Variants in MMP24 observed in about 807,000 individuals in gnomAD.
The protein encoded by MMP24 is matrix metallopeptidase 24.
In MMP24, 25 loss-of-function variants were observed where a neutral mutation model predicts 62.8. The observed-to-expected ratio is 0.40, with a 90% CI of 0.29 to 0.56. MMP24 has a LOEUF of 0.56. MMP24 is among the 20% of genes least tolerant of loss of function. The pLI, the probability that MMP24 is intolerant of heterozygous loss-of-function variation, is 0.50. For synonymous variants in MMP24, 319 were observed against 350.5 expected, an observed-to-expected ratio of 0.91 and a Z score of 1.00; for missense variants, 634 against 853.6, an observed-to-expected ratio of 0.74 and a Z score of 3.21.
chr20:35,242,090 C>T (rs993119742), intron 1 of MMP24, among the ~76,000 whole-genome samples: 3 of 152,060 alleles, frequency 2.0e-5, no homozygotes, highest in Non-Finnish European at 4.4e-5. Context: ...CCAGCACTTA[C>T]GGAGGCCAAG....
chr20:35,260,349 C>T (rs945708492), intron 4 of MMP24, among the ~76,000 whole-genome samples: 1 of 152,208 alleles, frequency 6.6e-6, no homozygotes, highest in African/African-American at 2.4e-5. Flanking sequence ...CTCTGCAGAC[C>T]CAGAACAGGG....
At chr20:35,246,740 C>A (rs2060516640) in intron 1 of MMP24, 100 bp from the exon 2 acceptor site, 5 of 1,382,280 alleles carry the variant, frequency 3.6e-6, no homozygotes, top group Non-Finnish European at 5.1e-6. Flanking sequence ...CCAGGAGTCA[C>A]TGGGGTCAAA....
intron 5 of MMP24, among the ~76,000 whole-genome samples, chr20:35,265,367 G>T (rs1422605856): frequency 6.6e-6 from 1 of 151,684 alleles, no homozygotes; most frequent in Admixed American, 6.6e-5. Context: ...ACTTGAACCC[G>T]GGAGGCGGAG....
Position 35,246,851 on chromosome 20 carries a change from G to A in MMP24, c.258G>A (p.Lys86=). Residue 86 remains lysine, a synonymous_variant, in exon 2 of 9, where the codon AAG becomes AAA. Transcript: ENST00000246186. ...CCCGTGTCTTTCAGAACTGGTTAAA[G>A]TCCTATGGCTATCTGCTTCCCTATG... ...EAPFAGQNWL[K]SYGYLLPYDS... 6.2e-7 allele frequency: 1 copy of A among 1,614,016 alleles called. No homozygotes were observed. Among genetic ancestry groups the A allele is most frequent in the Non-Finnish European group, 8.5e-7 (1 of 1,179,882 alleles).
In MMP24 at chr20:35,274,470, T is replaced by C; in HGVS notation, c.1799T>C (p.Val600Ala). Residue 600 changes from valine to alanine, a missense_variant, in exon 9 of 9, where the codon GTG (valine) becomes GCG (alanine). Transcript: ENST00000246186. The surrounding 1 kb of genome is among the most constrained non-coding windows in gnomAD (Gnocchi z 5.1). ...ACCATCAACGATGTGCCGGGCTCCG[T>C]GAACGCCGTGGCCGTGGTCATCCCC... Reference protein sequence around the residue: ...MVTINDVPGSVNAVAVVIPCI... With the variant: ...MVTINDVPGSANAVAVVIPCI... 6.2e-7 allele frequency: 1 copy of C among 1,614,028 alleles called. No homozygotes were observed. Among genetic ancestry groups the C allele is most frequent in the Non-Finnish European group, 8.5e-7 (1 of 1,179,876 alleles).
chr20:35,234,958 T>G (rs1234818884), intron 1 of MMP24, among the ~76,000 whole-genome samples: 3 of 152,260 alleles, frequency 2.0e-5, no homozygotes, highest in Non-Finnish European at 4.4e-5. Flanking sequence ...TTGTAAGGGT[T>G]GTTGTGTCAT....
In MMP24 at chr20:35,248,718, A is replaced by C. The variant is rs2060528638; in HGVS notation, c.395+1730A>C. On this transcript the variant is annotated intron_variant, in intron 2 of 8. Coordinates refer to ENST00000246186, the MANE Select transcript of MMP24 (RefSeq NM_006690.4). ...CCATTCCTAGGATTCTCTGATTATGAGTGTGAACTTCTTCTCCTGTGCTGT... is the reference window on the plus strand; with the variant it reads ...CCATTCCTAGGATTCTCTGATTATGCGTGTGAACTTCTTCTCCTGTGCTGT... Among the ~76,000 whole-genome samples, 3 of 152,106 alleles carry C rather than the reference A, an allele frequency of 2.0e-5. No homozygotes were observed. In the South Asian group the frequency reaches 6.2e-4, roughly 31 times the overall value.
At chr20:35,259,875 C>T (rs1415292893) in intron 4 of MMP24, among the ~76,000 whole-genome samples, 1 of 152,110 alleles carries the variant, frequency 6.6e-6, no homozygotes, top group African/African-American at 2.4e-5. Flanking sequence ...ACTTCTGTAC[C>T]AGGAGCTGGT....
At chr20:35,258,949 G>T (rs1465833806) in intron 4 of MMP24, among the ~76,000 whole-genome samples, 1 of 149,100 alleles carries the variant, frequency 6.7e-6, no homozygotes, top group African/African-American at 2.6e-5. Context: ...GGAGGCCGAG[G>T]GGGGGCAGAT....
At chr20:35,231,475 A>G (rs2060437027) in intron 1 of MMP24, among the ~76,000 whole-genome samples, 1 of 152,058 alleles carries the variant, frequency 6.6e-6, no homozygotes, top group Non-Finnish European at 1.5e-5. Context: ...ACTCACTATT[A>G]GGAAGTTTTC....
At chr20:35,272,138 T>G in intron 8 of MMP24, 2 of 454,376 alleles carry the variant, frequency 4.4e-6, no homozygotes, top group South Asian at 1.2e-4. Context: ...CGCCTTGAGT[T>G]ACCCAATCTG....
intron 7 of MMP24, among the ~76,000 whole-genome samples, chr20:35,270,393 G>A (rs1383707537): frequency 2.0e-5 from 3 of 152,246 alleles, no homozygotes; most frequent in Non-Finnish European, 4.4e-5. Context: ...GAGCAGGGCT[G>A]GGATGTGTAC....
At chr20:35,272,594 C>G (rs994256549) in intron 8 of MMP24, among the ~76,000 whole-genome samples, 2 of 152,170 alleles carry the variant, frequency 1.3e-5, no homozygotes, top group South Asian at 4.1e-4. Flanking sequence ...CACCAGCCCC[C>G]ACGACTGCCA....
chr20:35,267,243 C>A lies in MMP24; in HGVS notation c.1018C>A (p.Pro340Thr). Residue 340 changes from proline (P) to threonine (T), a missense_variant, in exon 6 of 9, where the codon CCT becomes ACT. This residue lies in a region of MMP24 where 399 missense variants were observed against 530.8 expected (regional missense o/e 0.75). Coordinates refer to ENST00000246186, the MANE Select transcript of MMP24 (RefSeq NM_006690.4). ...GCCTCTGGAGCCCACAAGGCCACTC[C>A]CTACACTCCCCGTCCGCAGGATCCA... ...AEPLEPTRPLPTLPVRRIHSP... is the reference protein window; with the variant it reads ...AEPLEPTRPLTTLPVRRIHSP... 6.2e-7 allele frequency: 1 copy of A among 1,605,370 alleles called. No homozygotes were observed. Among genetic ancestry groups the A allele is most frequent in the Non-Finnish European group, 8.5e-7 (1 of 1,176,396 alleles).
In MMP24 at chr20:35,246,938, G is replaced by A. The variant is rs765371598; in HGVS notation, c.345G>A (p.Gln115=). 18 of 1,613,954 alleles carry A rather than the reference G, an allele frequency of 1.1e-5. No homozygotes were observed. Among genetic ancestry groups the A allele is most frequent in the Non-Finnish European group, 1.4e-5 (17 of 1,179,914 alleles). The part of the protein sequence containing the change: ...KALQSAVSTM[Q]QFYGIPVTGV... Reference sequence around the variant, plus strand: ...TGCAGTCGGCAGTCTCCACTATGCAGCAGTTTTACGGGATCCCGGTCACCG... The same window carrying A: ...TGCAGTCGGCAGTCTCCACTATGCAACAGTTTTACGGGATCCCGGTCACCG... Residue 115 remains glutamine (Q), a synonymous_variant, in exon 2 of 9, where the codon CAG becomes CAA. Transcript: ENST00000246186.
In MMP24 at chr20:35,246,290, TAA is replaced by T. The variant is rs71299212; in HGVS notation, c.247-534_247-533del. ...TAACATAGTGAAACCCTGTCTCTAC[TAA>T]AAAAAAAAAAAAAAATACAAAAAAT... On this transcript the variant is annotated intron_variant, in intron 1 of 8. Transcript: ENST00000246186. Among the ~76,000 whole-genome samples the T allele has an allele frequency of 8.9e-4, 117 of 131,138 alleles. 1 individual carries two copies. Among genetic ancestry groups the T allele is most frequent in the African/African-American group, 2.0e-3 (73 of 37,268 alleles). The allele number at this position is 131,138 out of a possible 152,430, so 86.0% of individuals were successfully genotyped here.
chr20:35,258,532 G>C (rs998209808), intron 4 of MMP24, among the ~76,000 whole-genome samples: 1 of 152,100 alleles, frequency 6.6e-6, no homozygotes. Flanking sequence ...ATAATCATTT[G>C]GCGTGACTAG....
chr20:35,241,254 C>G (rs563326668), intron 1 of MMP24, among the ~76,000 whole-genome samples: 10 of 152,238 alleles, frequency 6.6e-5, no homozygotes, highest in African/African-American at 2.4e-4. Flanking sequence ...GATTAAGCAG[C>G]ATGAATTAGA....
In MMP24 at chr20:35,274,712, C is replaced by G; in HGVS notation, c.*103C>G. On this transcript the variant is annotated 3_prime_UTR_variant, in exon 9 of 9. Transcript: ENST00000246186. This position sits in a 1 kb window ranked among gnomAD's most constrained non-coding sequence, Gnocchi z 5.1. Reference sequence around the variant, plus strand: ...CCAGTGCTCACCAGGGCCAGCAGGGCCCTAGGCTGGGGTCGTACAGCTGAA... The same window carrying G: ...CCAGTGCTCACCAGGGCCAGCAGGGGCCTAGGCTGGGGTCGTACAGCTGAA... The G allele has an allele frequency of 9.3e-7, 1 of 1,070,352 alleles. No individual in the cohort carries two copies. Among genetic ancestry groups the G allele is most frequent in the Non-Finnish European group, 1.3e-6 (1 of 751,992 alleles). 66.3% of individuals were successfully genotyped at this position (1,070,352 alleles called of 1,614,324 possible).
Sources: allele counts gnomAD v4.1 joint callset (sites outside exome capture counted in the v4.1 genomes callset), GRCh38; gene constraint gnomAD v4.1.1; regional missense constraint gnomAD v4.1.1; non-coding constraint Gnocchi (gnomAD v3.1); transcripts MANE v1.5; gene names NCBI Gene and HGNC (gene_info 2026-07-23, HGNC 2026-07-21).